The following PCDH19 variants were observed in gnomAD, a reference collection of about 807,000 sequenced individuals.
The protein encoded by PCDH19 is protocadherin-19.
In PCDH19, 6 loss-of-function variants were observed where a neutral mutation model predicts 46.2. That is an observed-to-expected ratio of 0.13 (90% confidence interval 0.07 to 0.26). PCDH19 has a LOEUF of 0.26. PCDH19 is among the 10% of genes least tolerant of loss of function. PCDH19 has a pLI of 1.00. For missense variants in PCDH19, 740 were observed against 972.3 expected, an observed-to-expected ratio of 0.76 and a Z score of 3.18; for synonymous variants, 481 against 415.7, an observed-to-expected ratio of 1.16 and a Z score of -1.91.
In PCDH19 at chrX:100,380,817, T is replaced by C. The variant is rs1351401655; in HGVS notation, c.2616+21707A>G. Among the ~76,000 whole-genome samples the C allele has an allele frequency of 2.7e-5, 3 of 112,422 alleles. No individual in the cohort carries two copies. In the East Asian group the frequency reaches 8.4e-4, roughly 31 times the overall value. ...CCGTTTCCCTGCTACAACTTACCACTGCAAGTGCTTACGCTATGTTTATTT... is the reference window on the plus strand; with the variant it reads ...CCGTTTCCCTGCTACAACTTACCACCGCAAGTGCTTACGCTATGTTTATTT... On this transcript the variant is annotated intron_variant, in intron 3 of 5. Transcript: ENST00000373034.
chrX:100,310,205 G>T (rs1235019120), intron 5 of PCDH19, among the ~76,000 whole-genome samples: 1 of 111,723 alleles, frequency 9.0e-6, no homozygotes, highest in Non-Finnish European at 1.9e-5. Flanking sequence ...TGAGAGTGTG[G>T]CGTGTACAGT....
chrX:100,369,813 G>A (rs1463969910), intron 3 of PCDH19, among the ~76,000 whole-genome samples: 2 of 112,034 alleles, frequency 1.8e-5, no homozygotes, highest in African/African-American at 3.2e-5. Context: ...TCCAGAATCA[G>A]ACATCATTAT....
chrX:100,356,494 C>T (rs923957877), intron 3 of PCDH19, among the ~76,000 whole-genome samples: 3 of 110,830 alleles, frequency 2.7e-5, no homozygotes, highest in Non-Finnish European at 5.6e-5. Context: ...CTACTTCCTA[C>T]CCCCAACACA....
Position 100,293,271 on chromosome X carries a change from A to C in PCDH19, c.*3006T>G, listed in dbSNP as rs1924483859. 8.9e-6 allele frequency: 1 copy of C among 112,223 alleles called. No homozygotes were observed. The highest frequency in any genetic ancestry group is 1.9e-5 in the Non-Finnish European group (1 of 53,264). The allele number at this position is 112,223 out of a possible 1,213,427, so 9.2% of individuals were successfully genotyped here. On this transcript the variant is annotated 3_prime_UTR_variant, in exon 6 of 6. Coordinates refer to ENST00000373034, the MANE Select transcript of PCDH19 (RefSeq NM_001184880.2). Reference sequence around the variant, plus strand: ...CCTTAGGTGCAATTTTGGATGAAGAAGTATACCTGTCTGGGGAATTGCCAA... The same window carrying C: ...CCTTAGGTGCAATTTTGGATGAAGACGTATACCTGTCTGGGGAATTGCCAA...
intron 5 of PCDH19, among the ~76,000 whole-genome samples, chrX:100,338,537 AAAAG>A (rs1343178610): frequency 9.3e-6 from 1 of 106,959 alleles, no homozygotes; most frequent in East Asian, 2.9e-4. Flanking sequence ...AAAAAAAAAA[AAAAG>A]AAGTCTTCTA....
At chrX:100,392,451 T>G (rs1927889874) in intron 3 of PCDH19, among the ~76,000 whole-genome samples, 1 of 112,110 alleles carries the variant, frequency 8.9e-6, no homozygotes, top group South Asian at 3.7e-4. Context: ...ATTTTGCAAT[T>G]TTAAAATCAG....
rs989996567 is a variant in PCDH19, at chrX:100,292,047, G to A, written c.*4230C>T. 8.8e-6 allele frequency: 1 copy of A among 113,395 alleles called. No individual in the cohort carries two copies. Among genetic ancestry groups the A allele is most frequent in the African/African-American group, 3.2e-5 (1 of 31,156 alleles). 9.3% of individuals were successfully genotyped at this position (113,395 alleles called of 1,213,427 possible). ...GGCTCATTCCCCTCACTAGAGGAGCGAAGGCGTAAGCCTATTGCAACTAAT... is the reference window on the plus strand; with the variant it reads ...GGCTCATTCCCCTCACTAGAGGAGCAAAGGCGTAAGCCTATTGCAACTAAT... On this transcript the variant is annotated 3_prime_UTR_variant, in exon 6 of 6. Coordinates refer to ENST00000373034, the MANE Select transcript of PCDH19 (RefSeq NM_001184880.2).
Position 100,321,709 on chromosome X carries a change from T to C in PCDH19, c.2848+20194A>G, listed in dbSNP as rs1375123013. ...TGAAGATTTTCTCCCACTCTATGAG[T>C]TGCCTGTCTACTCTGCTGACTGTTT... is the stretch of plus-strand genomic sequence containing the variant. On this transcript the variant is annotated intron_variant, in intron 5 of 5. Transcript: ENST00000373034. 3.7e-5 allele frequency among the ~76,000 whole-genome samples: 4 copies of C among 109,157 alleles called. No homozygotes were observed. The South Asian group carries it at 1.2e-3, about 33-fold the overall frequency. 94.8% of individuals were successfully genotyped at this position (109,157 alleles called of 115,157 possible).
At chrX:100,334,968 A>G (rs1926042299) in intron 5 of PCDH19, among the ~76,000 whole-genome samples, 1 of 111,005 alleles carries the variant, frequency 9.0e-6, no homozygotes, top group African/African-American at 3.3e-5. Context: ...CAAACGGTTG[A>G]TATTATTCTT....
Position 100,408,821 on chromosome X carries a change from C to G in PCDH19, c.-224G>C, listed in dbSNP as rs1420574782. 7.9e-6 allele frequency: 1 copy of G among 126,401 alleles called. No homozygotes were observed. Among genetic ancestry groups the G allele is most frequent in the Non-Finnish European group, 1.6e-5 (1 of 63,245 alleles). 10.4% of individuals were successfully genotyped at this position (126,401 alleles called of 1,213,427 possible). On this transcript the variant is annotated 5_prime_UTR_variant, in exon 1 of 6. Coordinates refer to ENST00000373034, the MANE Select transcript of PCDH19 (RefSeq NM_001184880.2). The stretch of plus-strand genomic sequence containing the variant: ...GGACGCGGCGGGGGCTCGCGGGGGC[C>G]CCGGGGGCTCCGAGGGGCCAAGGGA...
chrX:100,395,756 T>C (rs1443612161), intron 3 of PCDH19, among the ~76,000 whole-genome samples: 2 of 113,233 alleles, frequency 1.8e-5, no homozygotes, highest in African/African-American at 6.4e-5. Flanking sequence ...ATCATTCCCC[T>C]GGGGGGCACA....
Position 100,348,046 on chromosome X carries a change from A to ACAGAG in PCDH19, c.2675+2595_2675+2599dup, listed in dbSNP as rs1278400816. ...ACACCACTGCACTCCAGCCTAGGTG[A>ACAGAG]CAGAGCAAGATTCCGTCTCAAAAAA... On this transcript the variant is annotated intron_variant, in intron 4 of 5. Transcript: ENST00000373034. 1.1e-3 allele frequency among the ~76,000 whole-genome samples: 105 copies of ACAGAG among 95,936 alleles called. 1 individual carries two copies. The highest frequency in any genetic ancestry group is 3.8e-3 in the African/African-American group (101 of 26,445). 83.3% of individuals were successfully genotyped at this position (95,936 alleles called of 115,157 possible).
At chrX:100,331,663 C>T (rs747023087) in intron 5 of PCDH19, among the ~76,000 whole-genome samples, 48 of 111,604 alleles carry the variant, frequency 4.3e-4, no homozygotes, top group African/African-American at 1.5e-3. Context: ...ATCATGGGGA[C>T]GGTTTCCCCT....
chrX:100,368,909 C>T (rs749055502), intron 3 of PCDH19, among the ~76,000 whole-genome samples: 1 of 111,357 alleles, frequency 9.0e-6, no homozygotes, highest in African/African-American at 3.3e-5. Flanking sequence ...CTCTGCTGTG[C>T]TTTGGAAAAG....
chrX:100,407,692 G>T lies in PCDH19; in HGVS notation c.906C>A (p.Gly302=). The part of the protein sequence containing the change: ...DPHSGLVTVT[G]ALDYEEGHVY... ...CGTGCCCCTCTTCGTAGTCTAAAGC[G>T]CCAGTGACAGTGACCAGGCCACTGT... The change falls in exon 1 of 6, where the codon GGC becomes GGA. Residue 302 remains glycine, a synonymous_variant. Coordinates refer to ENST00000373034, the MANE Select transcript of PCDH19 (RefSeq NM_001184880.2). 8.2e-7 allele frequency: 1 copy of T among 1,212,285 alleles called. No individual in the cohort carries two copies. Among genetic ancestry groups the T allele is most frequent in the East Asian group, 3.0e-5 (1 of 33,853 alleles).
chrX:100,405,569 C>G (rs1349206269), intron 1 of PCDH19, among the ~76,000 whole-genome samples: 1 of 99,616 alleles, frequency 1.0e-5, no homozygotes, highest in Non-Finnish European at 2.0e-5. Context: ...CCCTCCCCCC[C>G]CCATACACAC....
At chrX:100,394,294 C>A (rs538377521) in intron 3 of PCDH19, among the ~76,000 whole-genome samples, 4 of 112,349 alleles carry the variant, frequency 3.6e-5, no homozygotes, top group African/African-American at 1.3e-4. Context: ...CTGTAGGTAG[C>A]TGGACCTAAC....
chrX:100,303,774 C>T (rs919052209), intron 5 of PCDH19, among the ~76,000 whole-genome samples: 6 of 111,532 alleles, frequency 5.4e-5, no homozygotes, highest in Non-Finnish European at 9.4e-5. Flanking sequence ...TGGTTGCTCC[C>T]TAAAACTTTC....
Position 100,399,545 on chromosome X carries a change from T to C in PCDH19, c.2616+2979A>G, listed in dbSNP as rs185568043. On this transcript the variant is annotated intron_variant, in intron 3 of 5. Transcript: ENST00000373034. ...CAAATCAATCATCCCTGCTCTTCTATAGATTTCATTGGACCTAAGTATTCC... is the reference window on the plus strand; with the variant it reads ...CAAATCAATCATCCCTGCTCTTCTACAGATTTCATTGGACCTAAGTATTCC... Among the ~76,000 whole-genome samples the C allele has an allele frequency of 2.1e-3, 240 of 112,125 alleles. 1 individual carries two copies. The highest frequency in any genetic ancestry group is 9.1e-3 in the Middle Eastern group (2 of 219).
Sources: gnomAD v4.1 joint callset for allele counts (sites outside exome capture counted in the v4.1 genomes callset) on GRCh38, gnomAD v4.1.1 for gene constraint, MANE v1.5 for transcripts, NCBI Gene and HGNC (gene_info 2026-07-23, HGNC 2026-07-21) for gene names.